Variants in ACACA observed in about 807,000 individuals in gnomAD.
The protein encoded by ACACA is acetyl-CoA carboxylase alpha.
ACACA carries 103 observed loss-of-function variants against 296.1 expected under a neutral mutation model. That is an observed-to-expected ratio of 0.35 (90% confidence interval 0.30 to 0.41). The LOEUF (loss-of-function observed/expected upper bound fraction) is 0.41, where lower values mean the gene tolerates loss of function less well. Among genes scored for constraint, ACACA ranks in the 10% least tolerant of loss-of-function variants. The pLI is 1.00. For missense variants in ACACA, 1,554 were observed against 2,989.7 expected, an observed-to-expected ratio of 0.52 and a Z score of 11.20; for synonymous variants, 953 against 1,038.6, an observed-to-expected ratio of 0.92 and a Z score of 1.58.
chr17:37,156,119 A>C (rs538538015), intron 42 of ACACA, among the ~76,000 whole-genome samples: 1 of 128,042 alleles, frequency 7.8e-6, no homozygotes. Flanking sequence ...GCTGGAGTGC[A>C]GTGGCGCGAT....
At chr17:37,192,485 G>C (rs2077800401) in intron 36 of ACACA, among the ~76,000 whole-genome samples, 180 bp from the exon 37 acceptor site, 1 of 152,074 alleles carries the variant, frequency 6.6e-6, no homozygotes, top group African/African-American at 2.4e-5. Flanking sequence ...AGGCACTAAA[G>C]TACCTATTAT....
At chr17:37,138,827 T>A (rs1597938755) in intron 45 of ACACA, among the ~76,000 whole-genome samples, 1 of 152,374 alleles carries the variant, frequency 6.6e-6, no homozygotes, top group East Asian at 1.9e-4. Flanking sequence ...TTTCAAGCTC[T>A]TGCTCTGGCT....
At chr17:37,133,471 A>G (rs1003397690) in intron 45 of ACACA, among the ~76,000 whole-genome samples, 4 of 152,198 alleles carry the variant, frequency 2.6e-5, no homozygotes, top group African/African-American at 9.6e-5. Context: ...ATTCTGCCTA[A>G]CTGTGAAATG....
At chr17:37,186,412 T>G (rs2077533340) in intron 39 of ACACA, among the ~76,000 whole-genome samples, 1 of 152,212 alleles carries the variant, frequency 6.6e-6, no homozygotes, top group South Asian at 2.1e-4. Flanking sequence ...GCATAGTGCC[T>G]GACATACTAT....
intron 25 of ACACA, among the ~76,000 whole-genome samples, chr17:37,234,242 A>C (rs2080003029): frequency 6.6e-6 from 1 of 152,208 alleles, no homozygotes; most frequent in Admixed American, 6.5e-5. Flanking sequence ...CTCTAGGAGT[A>C]GTCCTACTGT....
At chr17:37,345,027 G>GT in intron 1 of ACACA, among the ~76,000 whole-genome samples, 1 of 152,094 alleles carries the variant, frequency 6.6e-6, no homozygotes, top group African/African-American at 2.4e-5. Context: ...AATATATTGA[G>GT]TAAGATTTTC....
chr17:37,362,111 G>A (rs796351154), intron 1 of ACACA, among the ~76,000 whole-genome samples: 11 of 152,238 alleles, frequency 7.2e-5, no homozygotes, highest in African/African-American at 2.6e-4. Context: ...GGCATGCATG[G>A]CCATGTACAA....
chr17:37,144,126 CT>C, intron 45 of ACACA: 1 of 756,944 alleles, frequency 1.3e-6, no homozygotes. Flanking sequence ...CAAATTTTCC[CT>C]TCTGTTTAGC....
chr17:37,359,305 G>A (rs1295989689), intron 1 of ACACA, among the ~76,000 whole-genome samples: 1 of 152,064 alleles, frequency 6.6e-6, no homozygotes, highest in Non-Finnish European at 1.5e-5. Context: ...CGGGCCCGAG[G>A]GCTCAGCGGC....
chr17:37,287,621 T>C (rs922886699), intron 3 of ACACA, among the ~76,000 whole-genome samples: 4 of 149,090 alleles, frequency 2.7e-5, no homozygotes, highest in Non-Finnish European at 5.9e-5. Context: ...TGCACGTCTG[T>C]AATCCCAGCT....
intron 45 of ACACA, among the ~76,000 whole-genome samples, chr17:37,149,043 A>G (rs1254781282): frequency 1.3e-5 from 2 of 152,350 alleles, no homozygotes; most frequent in South Asian, 4.1e-4. Context: ...TAATTTTCCT[A>G]TGCTTGCAAA....
intron 1 of ACACA, among the ~76,000 whole-genome samples, chr17:37,381,685 T>TG (rs1341509480): frequency 6.7e-6 from 1 of 148,886 alleles, no homozygotes; most frequent in Non-Finnish European, 1.5e-5. Context: ...TGGAGTGCAG[T>TG]GGTGCGATCT....
intron 3 of ACACA, among the ~76,000 whole-genome samples, chr17:37,308,856 G>A (rs2084000446): frequency 6.6e-6 from 1 of 152,120 alleles, no homozygotes; most frequent in Non-Finnish European, 1.5e-5. Context: ...AGAACTGCTT[G>A]AACCTGAGAG....
rs774660585 is a variant in ACACA at position 37,385,995 on chromosome 17, A to G, written c.38+20267T>C. The stretch of plus-strand genomic sequence containing the variant: ...TTTCCCCTAAAGTTTCATCTTTTCT[A>G]CTTTGTTTTATAGCTTTTTTACCAG... On this transcript the variant is annotated intron_variant, in intron 1 of 55. Coordinates refer to ENST00000616317, the MANE Select transcript of ACACA (RefSeq NM_198834.3). 5 of 1,517,346 alleles carry G rather than the reference A, an allele frequency of 3.3e-6. No individual in the cohort carries two copies. The Admixed American group carries it at 5.6e-5, about 17-fold the overall frequency. 94.0% of individuals were successfully genotyped at this position (1,517,346 alleles called of 1,614,324 possible).
chr17:37,378,071 T>C, intron 1 of ACACA: 3 of 1,053,658 alleles, frequency 2.8e-6, no homozygotes, highest in Non-Finnish European at 4.3e-6. Flanking sequence ...TCAAATATCC[T>C]ATTTTAAGGA....
At chr17:37,386,825 CTT>C (rs112796389) in intron 1 of ACACA, 29 of 144,512 alleles carry the variant, frequency 2.0e-4, no homozygotes, top group Admixed American at 3.5e-4. Flanking sequence ...TTTTCTTTTT[CTT>C]TTTTTTTTTT....
intron 26 of ACACA, 50 bp downstream of exon 26, chr17:37,226,289 T>C: frequency 7.2e-7 from 1 of 1,380,546 alleles, no homozygotes; most frequent in Non-Finnish European, 1.0e-6. Context: ...TAGGACTGCC[T>C]GATCTATGAA....
At chr17:37,272,795 A>C (rs2082125153) in intron 9 of ACACA, among the ~76,000 whole-genome samples, 1 of 152,152 alleles carries the variant, frequency 6.6e-6, no homozygotes, top group African/African-American at 2.4e-5. Context: ...CAAAACTTAT[A>C]ATTATCATAA....
Position 37,406,563 on chromosome 17 carries a change from C to G in ACACA, c.-264G>C. 1 of 591,350 alleles carries G rather than the reference C, an allele frequency of 1.7e-6. No homozygotes were observed. Among genetic ancestry groups the G allele is most frequent in the Non-Finnish European group, 3.0e-6 (1 of 332,010 alleles). The allele number at this position is 591,350 out of a possible 1,614,324, so 36.6% of individuals were successfully genotyped here. On this transcript the variant is annotated 5_prime_UTR_variant, in exon 1 of 56. Transcript: ENST00000616317. ...GGAGATGGGAACGTTATCCCCAAAC[C>G]CAGGCAGTCCCGGCTCGGCCCGCCT...
Sources: allele counts gnomAD v4.1 joint callset (sites outside exome capture counted in the v4.1 genomes callset), GRCh38; gene constraint gnomAD v4.1.1; transcripts MANE v1.5; gene names NCBI Gene and HGNC (gene_info 2026-07-23, HGNC 2026-07-21).